CCDC73: variants seen among roughly 807,000 people sequenced by gnomAD.
CCDC73 encodes the protein coiled-coil domain-containing protein 73.
A neutral mutation model predicts 116.5 loss-of-function variants in CCDC73; 95 were observed. That is an observed-to-expected ratio of 0.82 (90% CI 0.69 to 0.97). The LOEUF (loss-of-function observed/expected upper bound fraction) is 0.97, where lower values mean the gene tolerates loss of function less well. Among genes scored for constraint, CCDC73 ranks in the 50% least tolerant of loss-of-function variants. The pLI is 0.00. For missense variants in CCDC73, 1,066 were observed against 1,206.8 expected (o/e 0.88, Z 1.73); for synonymous variants, 398 against 401.3 (o/e 0.99, Z 0.10).
chr11:32,717,902 G>A (rs1849959407), intron 3 of CCDC73, among the ~76,000 whole-genome samples, 174 bp downstream of exon 3: 2 of 152,124 alleles, frequency 1.3e-5, no homozygotes, highest in African/African-American at 4.8e-5. Flanking sequence ...AGAGGGAAGA[G>A]CCCCTTATAA....
chr11:32,690,173 G>A (rs536679117), intron 6 of CCDC73, among the ~76,000 whole-genome samples: 1 of 152,054 alleles, frequency 6.6e-6, no homozygotes, highest in South Asian at 2.1e-4. Flanking sequence ...GACTTAAATT[G>A]TTCCCAAAAA....
At chr11:32,670,146 T>C (rs1856022471) in intron 9 of CCDC73, among the ~76,000 whole-genome samples, 1 of 152,232 alleles carries the variant, frequency 6.6e-6, no homozygotes, top group South Asian at 2.1e-4. Context: ...CAATAATTCC[T>C]TGCAATTTTG....
intron 3 of CCDC73, among the ~76,000 whole-genome samples, chr11:32,706,899 T>G (rs571126229): frequency 6.6e-6 from 1 of 152,194 alleles, no homozygotes; most frequent in Non-Finnish European, 1.5e-5. Flanking sequence ...TTATTTTCCT[T>G]TTCTTTTCCC....
At chr11:32,647,068 C>T (rs544643977) in intron 12 of CCDC73, among the ~76,000 whole-genome samples, 2 of 152,186 alleles carry the variant, frequency 1.3e-5, no homozygotes, top group East Asian at 3.9e-4. Context: ...TTTGTTTTGT[C>T]TGTTTTTCAT....
chr11:32,698,177 A>G (rs1028583338), intron 6 of CCDC73, among the ~76,000 whole-genome samples: 3 of 151,688 alleles, frequency 2.0e-5, no homozygotes, highest in African/African-American at 7.3e-5. Context: ...GGCGCCCGCC[A>G]CCACGCCCAG....
chr11:32,827,111 G>A, the CCDC73 span, among the ~76,000 whole-genome samples: 85,723 of 151,832 alleles, frequency 0.56, 24,509 homozygotes, highest in South Asian at 0.67. Context: ...TGATCTGCCC[G>A]CCTAGGCCTC....
the CCDC73 span, among the ~76,000 whole-genome samples, chr11:32,812,637 C>T: frequency 6.6e-6 from 1 of 151,264 alleles, no homozygotes; most frequent in African/African-American, 2.4e-5. Flanking sequence ...CCATTGCACT[C>T]CAGCCTGGGC....
intron 6 of CCDC73, among the ~76,000 whole-genome samples, chr11:32,689,198 T>C (rs1198982162): frequency 3.3e-5 from 5 of 152,066 alleles, no homozygotes; most frequent in Non-Finnish European, 7.4e-5. Context: ...CAAAAGGGTA[T>C]AAAGTCCTAA....
chr11:32,792,676 A>C (rs752671298), intron 1 of CCDC73, among the ~76,000 whole-genome samples: 2 of 152,380 alleles, frequency 1.3e-5, no homozygotes, highest in African/African-American at 4.8e-5. Context: ...AAACTCAGTC[A>C]GATTTCTCAT....
At chr11:32,792,604 A>G (rs765529071) in intron 1 of CCDC73, among the ~76,000 whole-genome samples, 2 of 152,148 alleles carry the variant, frequency 1.3e-5, no homozygotes, top group African/African-American at 4.8e-5. Flanking sequence ...GAAACGGTGT[A>G]CCTCCAACTG....
At chr11:32,812,670 C>CAAAAA in the CCDC73 span, among the ~76,000 whole-genome samples, 11 of 103,060 alleles carry the variant, frequency 1.1e-4, no homozygotes, top group Non-Finnish European at 1.8e-4. Context: ...ACTACATCTC[C>CAAAAA]AAAAAAAAAA....
intron 3 of CCDC73, 46 bp from the exon 4 acceptor site, chr11:32,702,990 CTCTT>C (rs1849826970): frequency 1.7e-6 from 2 of 1,205,968 alleles, no homozygotes; most frequent in African/African-American, 3.0e-5. Context: ...TCTAGCAACT[CTCTT>C]TCAGCTTTAA....
At chr11:32,824,172 G>A in the CCDC73 span, among the ~76,000 whole-genome samples, 1 of 152,140 alleles carries the variant, frequency 6.6e-6, no homozygotes, top group Non-Finnish European at 1.5e-5. Context: ...TAGGATTACA[G>A]GTGTGAGCCA....
rs753585068 is a variant in CCDC73, at chr11:32,614,823, G to A, written c.1495C>T (p.Gln499Ter). ...TCCGTAACATTCGAGGTTTGTCCTT[G>A]ACTAATTACTTCTTTATCTAAGGAG... is the stretch of plus-strand genomic sequence containing the variant. The part of the protein sequence containing the change: ...TLSLDKEVIS[Q>*]GQTSNVTDNR... The change falls in exon 16 of 18, where the codon CAA becomes TAA. Residue 499 changes from glutamine (Q) to a stop codon, truncating the protein, a stop_gained. Transcript: ENST00000335185. LOFTEE classifies it high-confidence loss of function. 6.2e-7 allele frequency: 1 copy of A among 1,613,130 alleles called. No homozygotes were observed. The highest frequency in any genetic ancestry group is 8.5e-7 in the Non-Finnish European group (1 of 1,179,498).
chr11:32,821,225 GAAGT>G, the CCDC73 span, among the ~76,000 whole-genome samples: 3 of 151,966 alleles, frequency 2.0e-5, no homozygotes, highest in South Asian at 4.2e-4. Context: ...AATTTATTTT[GAAGT>G]AAGATGTGAG....
chr11:32,642,862 G>T (rs1220301245), intron 12 of CCDC73, among the ~76,000 whole-genome samples: 1 of 151,246 alleles, frequency 6.6e-6, no homozygotes, highest in South Asian at 2.1e-4. Flanking sequence ...CCACACAAAA[G>T]GATTTTTTTT....
intron 1 of CCDC73, among the ~76,000 whole-genome samples, chr11:32,766,582 C>A (rs1220491676): frequency 6.6e-6 from 1 of 152,202 alleles, no homozygotes; most frequent in Non-Finnish European, 1.5e-5. Flanking sequence ...CCAAAATCTC[C>A]TTAAGCTGAT....
At chr11:32,645,293 T>TTTC (rs199711162) in intron 12 of CCDC73, among the ~76,000 whole-genome samples, 1,209 of 97,858 alleles carry the variant, frequency 0.012, 9 homozygotes, top group Non-Finnish European at 0.025. Context: ...TTCTTTTTCT[T>TTTC]TTTTTTTTTT....
intron 1 of CCDC73, among the ~76,000 whole-genome samples, chr11:32,778,302 A>C (rs2133393901): frequency 6.6e-6 from 1 of 152,320 alleles, no homozygotes; most frequent in East Asian, 1.9e-4. Context: ...CAATCACTGA[A>C]ACACATTAAC....
Sources: allele counts gnomAD v4.1 joint callset (sites outside exome capture counted in the v4.1 genomes callset), GRCh38; gene constraint gnomAD v4.1.1; transcripts MANE v1.5; gene names NCBI Gene and HGNC (gene_info 2026-07-23, HGNC 2026-07-21).